PRORP: variants seen among roughly 807,000 people sequenced by gnomAD.
PRORP encodes protein only RNase P catalytic subunit, also known as mitochondrial ribonuclease P catalytic subunit.
In PRORP, 51 loss-of-function variants were observed where a neutral mutation model predicts 59.4. The observed-to-expected ratio is 0.86, with a 90% CI of 0.69 to 1.08. The LOEUF (loss-of-function observed/expected upper bound fraction) is 1.08. Among genes scored for constraint, PRORP ranks in the 50% least tolerant of loss-of-function variants. The probability of loss-of-function intolerance (pLI) is 0.00; values close to 1 mark genes in which losing one functional copy is unlikely to be tolerated. For missense variants in PRORP, 646 were observed against 690.3 expected, an observed-to-expected ratio of 0.94 and a Z score of 0.72; for synonymous variants, 231 against 245.6, an observed-to-expected ratio of 0.94 and a Z score of 0.55.
chr14:35,211,432 G>T (rs1036486294), intron 5 of PRORP, among the ~76,000 whole-genome samples: 1 of 152,066 alleles, frequency 6.6e-6, no homozygotes, highest in Non-Finnish European at 1.5e-5. Flanking sequence ...GTAAATATTT[G>T]CAGAAGAATG....
At chr14:35,214,625 G>C (rs1414338298) in intron 5 of PRORP, among the ~76,000 whole-genome samples, 1 of 152,212 alleles carries the variant, frequency 6.6e-6, no homozygotes, top group Non-Finnish European at 1.5e-5. Flanking sequence ...ACAAAGCTGG[G>C]GCCGGGTGTG....
chr14:35,152,301 G>A (rs1013992246), intron 4 of PRORP, among the ~76,000 whole-genome samples: 3 of 152,204 alleles, frequency 2.0e-5, no homozygotes. Context: ...TCTTAGTACA[G>A]AACAAAATGA....
At chr14:35,191,717 A>G (rs1048694970) in intron 5 of PRORP, among the ~76,000 whole-genome samples, 1 of 152,044 alleles carries the variant, frequency 6.6e-6, no homozygotes, top group Non-Finnish European at 1.5e-5. Context: ...ACCAAACCAA[A>G]ACAAACAAAC....
rs912950775 is a variant in PRORP, at chr14:35,275,493, G to A, written c.*1927G>A. 2.0e-5 allele frequency: 3 copies of A among 152,140 alleles called. No individual in the cohort carries two copies. Among genetic ancestry groups the A allele is most frequent in the Admixed American group, 2.0e-4 (3 of 15,276 alleles). 9.4% of individuals were successfully genotyped at this position (152,140 alleles called of 1,614,324 possible). A position where few individuals can be genotyped will look rare whatever the true frequency, so the allele number is the denominator to read the frequency against. ...GCAAAAGCTCTAATAAATTCAGTCT[G>A]CTTATTTTCCAAATTTCATAAACTA... On this transcript the variant is annotated 3_prime_UTR_variant, in exon 8 of 8. Coordinates refer to ENST00000534898, the MANE Select transcript of PRORP (RefSeq NM_014672.4).
intron 4 of PRORP, among the ~76,000 whole-genome samples, chr14:35,142,097 T>G (rs1057068371): frequency 1.4e-5 from 2 of 144,908 alleles, no homozygotes; most frequent in African/African-American, 4.9e-5. Context: ...CAGGCTGGTC[T>G]TGAACTCCTG....
chr14:35,129,107 T>C (rs1411112751), intron 4 of PRORP, among the ~76,000 whole-genome samples: 1 of 151,558 alleles, frequency 6.6e-6, no homozygotes, highest in South Asian at 2.1e-4. Flanking sequence ...ACTCGTGAGG[T>C]TGAGGCAGGA....
At chr14:35,131,593 A>G (rs976692183) in intron 4 of PRORP, among the ~76,000 whole-genome samples, 6 of 148,850 alleles carry the variant, frequency 4.0e-5, no homozygotes, top group African/African-American at 1.5e-4. Flanking sequence ...CAGTGGTGCT[A>G]TTTCGGCTCA....
chr14:35,212,214 A>AT (rs1213086702), intron 5 of PRORP, among the ~76,000 whole-genome samples: 1 of 151,988 alleles, frequency 6.6e-6, no homozygotes, highest in East Asian at 1.9e-4. Context: ...CCTCCACTGA[A>AT]TTTTTTAATC....
chr14:35,152,811 G>A (rs34844770), intron 4 of PRORP, among the ~76,000 whole-genome samples: 28,932 of 151,026 alleles, frequency 0.19, 3,316 homozygotes, highest in Non-Finnish European at 0.27. Flanking sequence ...GAGCAGAGGC[G>A]CTCCCCACAT....
intron 5 of PRORP, among the ~76,000 whole-genome samples, chr14:35,194,573 A>T (rs972112595): frequency 6.6e-6 from 1 of 152,170 alleles, no homozygotes. Flanking sequence ...TAAGAGAAAT[A>T]CCTAATGTAG....
chr14:35,247,367 GT>G (rs1185634241), intron 5 of PRORP, among the ~76,000 whole-genome samples: 3 of 151,968 alleles, frequency 2.0e-5, no homozygotes, highest in Non-Finnish European at 2.9e-5. Context: ...ATTATAAGGT[GT>G]CTTTTTATAT....
intron 5 of PRORP, chr14:35,262,723 A>C: frequency 1.1e-6 from 1 of 874,978 alleles, no homozygotes; most frequent in Non-Finnish European, 2.0e-6. Flanking sequence ...CTGGGCTTCC[A>C]TTACAGGATG....
intron 5 of PRORP, among the ~76,000 whole-genome samples, chr14:35,264,612 C>A (rs902729911): frequency 1.3e-5 from 2 of 152,134 alleles, no homozygotes; most frequent in African/African-American, 4.8e-5. Context: ...GCCAACTACT[C>A]CTTACTGAAA....
intron 4 of PRORP, among the ~76,000 whole-genome samples, chr14:35,167,984 T>G (rs186949226): frequency 6.6e-6 from 1 of 152,334 alleles, no homozygotes; most frequent in Admixed American, 6.5e-5. Context: ...GCAACTGGCT[T>G]TAACACATTT....
At chr14:35,180,558 A>T in intron 4 of PRORP, 112 bp from the exon 5 acceptor site, 1 of 529,202 alleles carries the variant, frequency 1.9e-6, no homozygotes, top group Non-Finnish European at 3.4e-6. Flanking sequence ...GTGTATTTTT[A>T]AGGGATGAAT....
At chr14:35,188,684 T>A (rs2048804456) in intron 5 of PRORP, among the ~76,000 whole-genome samples, 1 of 151,772 alleles carries the variant, frequency 6.6e-6, no homozygotes, top group Non-Finnish European at 1.5e-5. Context: ...ATCTAAGAAA[T>A]CATTGCCTAA....
chr14:35,266,576 GC>G (rs2051048340), intron 5 of PRORP, 150 bp from the exon 6 acceptor site: 1 of 794,122 alleles, frequency 1.3e-6, no homozygotes, highest in Non-Finnish European at 2.0e-6. Context: ...TTTTCCTCAG[GC>G]TTTCAAAGAT....
intron 5 of PRORP, among the ~76,000 whole-genome samples, chr14:35,251,537 ATGT>A (rs1208219827): frequency 6.6e-6 from 1 of 152,044 alleles, no homozygotes; most frequent in African/African-American, 2.4e-5. Flanking sequence ...TATGTAAATA[ATGT>A]TGTTTATATT....
chr14:35,143,627 TAG>T (rs2047534262), intron 4 of PRORP, among the ~76,000 whole-genome samples: 1 of 145,300 alleles, frequency 6.9e-6, no homozygotes, highest in African/African-American at 2.4e-5. Context: ...AAAAGACAGA[TAG>T]TTTTTGTTTG....
Sources: allele counts gnomAD v4.1 joint callset (sites outside exome capture counted in the v4.1 genomes callset), GRCh38; gene constraint gnomAD v4.1.1; transcripts MANE v1.5; gene names NCBI Gene and HGNC (gene_info 2026-07-23, HGNC 2026-07-21).